PTPRN2: variants seen among roughly 807,000 people sequenced by gnomAD.
PTPRN2 encodes the protein protein tyrosine phosphatase receptor type N2, also known as receptor-type tyrosine-protein phosphatase N2.
A neutral mutation model predicts 118.8 loss-of-function variants in PTPRN2; 74 were observed. That is an observed-to-expected ratio of 0.62 (90% CI 0.52 to 0.76). The LOEUF (loss-of-function observed/expected upper bound fraction) is 0.76, where lower values mean the gene tolerates loss of function less well. Among genes scored for constraint, PTPRN2 ranks in the 30% least tolerant of loss-of-function variants. PTPRN2 has a pLI of 0.00. For missense variants in PTPRN2, 1,481 were observed against 1,394.4 expected (o/e 1.06, Z -0.99); for synonymous variants, 641 against 608.0 (o/e 1.05, Z -0.80).
chr7:158,078,239 A>T (rs552870407), intron 11 of PTPRN2, among the ~76,000 whole-genome samples: 1 of 152,316 alleles, frequency 6.6e-6, no homozygotes, highest in East Asian at 1.9e-4. Flanking sequence ...TTCTACCGCC[A>T]GGGTGATCTC....
intron 12 of PTPRN2, among the ~76,000 whole-genome samples, chr7:157,768,075 A>T (rs1425101607): frequency 6.6e-6 from 1 of 152,250 alleles, no homozygotes; most frequent in African/African-American, 2.4e-5. Flanking sequence ...CCAAACGGTA[A>T]AAACAAGAAC....
In PTPRN2 at chr7:157,733,431, T is replaced by C. The variant is rs62476399; in HGVS notation, c.1789-50494A>G. On this transcript the variant is annotated intron_variant, in intron 12 of 22. Coordinates refer to ENST00000389418, the MANE Select transcript of PTPRN2 (RefSeq NM_002847.5). ...CATGCGCCCAGCACAGTTACTCTTT[T>C]CCGTCCCATGCGCCCAGCACAGTTA... Among the ~76,000 whole-genome samples, 86 of 9,766 alleles carry C rather than the reference T, an allele frequency of 8.8e-3. 2 individuals carry two copies. The highest frequency in any genetic ancestry group is 0.056 in the Middle Eastern group (1 of 18). The allele number at this position is 9,766 out of a possible 152,430, so 6.4% of individuals were successfully genotyped here.
intron 1 of PTPRN2, among the ~76,000 whole-genome samples, chr7:158,562,415 G>A (rs1234804807): frequency 3.3e-5 from 5 of 152,034 alleles, no homozygotes; most frequent in Middle Eastern, 3.2e-3. Flanking sequence ...ATGCACTTGC[G>A]GGGACAAACA....
intron 2 of PTPRN2, among the ~76,000 whole-genome samples, chr7:158,396,437 AATGT>A (rs1322585544): frequency 6.7e-6 from 1 of 149,610 alleles, no homozygotes; most frequent in Non-Finnish European, 1.5e-5. Flanking sequence ...TGTGTGCATG[AATGT>A]GTCACGTGTG....
intron 2 of PTPRN2, among the ~76,000 whole-genome samples, chr7:158,421,056 C>G (rs1160424527): frequency 6.6e-6 from 1 of 152,222 alleles, no homozygotes; most frequent in Non-Finnish European, 1.5e-5. Context: ...GCTCAAGTAT[C>G]TGAGTTCAAG....
At chr7:157,548,893 C>T (rs370590851) in intron 22 of PTPRN2, 53 bp downstream of exon 22, 334 of 1,545,420 alleles carry the variant, frequency 2.2e-4, no homozygotes, top group Non-Finnish European at 2.8e-4. Context: ...GGAACACGGC[C>T]GCAGAGAGGC....
At chr7:157,969,197 C>A (rs1174925647) in intron 11 of PTPRN2, among the ~76,000 whole-genome samples, 1 of 151,936 alleles carries the variant, frequency 6.6e-6, no homozygotes, top group Non-Finnish European at 1.5e-5. Flanking sequence ...GCAGCCACCA[C>A]TTCCCAGGCT....
At chr7:158,455,203 G>T in intron 2 of PTPRN2, among the ~76,000 whole-genome samples, 1 of 152,230 alleles carries the variant, frequency 6.6e-6, no homozygotes, top group Non-Finnish European at 1.5e-5. Flanking sequence ...ATAACGGCAC[G>T]GACGCCATCG....
At position 158,261,395 on chromosome 7, in the gene PTPRN2, T is replaced by C. The variant is rs951490786; in HGVS notation, c.277+55424A>G. Among the ~76,000 whole-genome samples, 7 of 152,034 alleles carry C rather than the reference T, an allele frequency of 4.6e-5. No homozygotes were observed. In the East Asian group the frequency reaches 9.7e-4, roughly 21 times the overall value. ...TGTGAGACACAATCCCTTCCCCAGA[T>C]TCCCAACTGTGTGATCCTGGCAGGG... is the stretch of plus-strand genomic sequence containing the variant. On this transcript the variant is annotated intron_variant, in intron 3 of 22. Coordinates refer to ENST00000389418, the MANE Select transcript of PTPRN2 (RefSeq NM_002847.5).
Position 158,542,164 on chromosome 7 carries a change from T to C in PTPRN2, c.112+45394A>G, listed in dbSNP as rs1481581303. Among the ~76,000 whole-genome samples the C allele has an allele frequency of 1.1e-4, 17 of 152,274 alleles. 1 individual carries two copies. Among genetic ancestry groups the C allele is most frequent in the Non-Finnish European group, 2.5e-4 (17 of 68,050 alleles). On this transcript the variant is annotated intron_variant, in intron 1 of 22. Transcript: ENST00000389418. Reference sequence around the variant, plus strand: ...TTTGTTGTTGTTGTTTTGTGTTTTTTGTTTGAGATGGAGTCTTGCTCTGTC... The same window carrying C: ...TTTGTTGTTGTTGTTTTGTGTTTTTCGTTTGAGATGGAGTCTTGCTCTGTC...
intron 1 of PTPRN2, among the ~76,000 whole-genome samples, chr7:158,580,896 C>T (rs1828593808): frequency 6.6e-6 from 1 of 152,116 alleles, no homozygotes; most frequent in Non-Finnish European, 1.5e-5. Context: ...AAATAAGTCG[C>T]CCATTTCCAA....
intron 1 of PTPRN2, among the ~76,000 whole-genome samples, chr7:158,545,015 C>T (rs921485687): frequency 2.0e-5 from 3 of 152,224 alleles, no homozygotes; most frequent in Non-Finnish European, 4.4e-5. Context: ...CAGGCCCCCT[C>T]TGGAAGCTCC....
chr7:158,194,515 G>A (rs905263433), intron 4 of PTPRN2, among the ~76,000 whole-genome samples: 1 of 152,180 alleles, frequency 6.6e-6, no homozygotes, highest in Admixed American at 6.5e-5. Context: ...CTTCAGGTCC[G>A]ACTTGTGCTG....
rs1799805207 is a variant in PTPRN2 at position 158,286,896 on chromosome 7, G to GT, written c.277+29922dup. 7.9e-5 allele frequency among the ~76,000 whole-genome samples: 12 copies of GT among 152,272 alleles called. No individual in the cohort carries two copies. The South Asian group carries it at 2.3e-3, about 29-fold the overall frequency. On this transcript the variant is annotated intron_variant, in intron 3 of 22. Coordinates refer to ENST00000389418, the MANE Select transcript of PTPRN2 (RefSeq NM_002847.5). ...AGTGTGGAAGTATTCCTCTTCTTCA[G>GT]TTTTTTGGAAGAGTTTGAGAAGGAT...
intron 12 of PTPRN2, among the ~76,000 whole-genome samples, chr7:157,728,071 G>A (rs1195999407): frequency 6.6e-6 from 1 of 152,210 alleles, no homozygotes; most frequent in Non-Finnish European, 1.5e-5. Context: ...GGGCTCCTGA[G>A]GGCCACCTGG....
chr7:158,337,023 GTC>G (rs1238984336), intron 2 of PTPRN2, among the ~76,000 whole-genome samples: 1 of 97,340 alleles, frequency 1.0e-5, no homozygotes, highest in Non-Finnish European at 2.3e-5. Flanking sequence ...CATAAGAGCT[GTC>G]ACCCACAGAC....
rs565378884 is a variant in PTPRN2 at position 158,569,592 on chromosome 7, C to T, written c.112+17966G>A. Among the ~76,000 whole-genome samples, 5 of 152,306 alleles carry T rather than the reference C, an allele frequency of 3.3e-5. No homozygotes were observed. The South Asian group carries it at 1.0e-3, about 32-fold the overall frequency. ...GGGACACGGAGGCAGCAGCTCCCAG[C>T]GGCCTCGAGGGCGCCACTGACAGGA... On this transcript the variant is annotated intron_variant, in intron 1 of 22. Coordinates refer to ENST00000389418, the MANE Select transcript of PTPRN2 (RefSeq NM_002847.5).
chr7:158,460,180 G>C (rs374385185), intron 2 of PTPRN2, among the ~76,000 whole-genome samples: 5 of 80,782 alleles, frequency 6.2e-5, no homozygotes, highest in South Asian at 1.3e-3. Flanking sequence ...TGTGTGCCGT[G>C]AGCACAGGAG....
chr7:157,772,966 C>A (rs891991853), intron 12 of PTPRN2, among the ~76,000 whole-genome samples: 2 of 152,084 alleles, frequency 1.3e-5, no homozygotes, highest in Non-Finnish European at 2.9e-5. Context: ...TGGGTACTGG[C>A]GGGGTCTTCC....
Sources: gnomAD v4.1 joint callset for allele counts (sites outside exome capture counted in the v4.1 genomes callset) on GRCh38, gnomAD v4.1.1 for gene constraint, MANE v1.5 for transcripts, NCBI Gene and HGNC (gene_info 2026-07-23, HGNC 2026-07-21) for gene names.